Variants in OCA2 observed in about 807,000 individuals in gnomAD.
OCA2 encodes the protein OCA2 melanosomal transmembrane protein.
OCA2 carries 77 observed loss-of-function variants against 100.2 expected under a neutral mutation model. The ratio of observed to expected loss-of-function variants is 0.77; its 90% CI spans 0.64 to 0.93. The LOEUF is 0.93. Among genes scored for constraint, OCA2 ranks in the 40% least tolerant of loss-of-function variants. OCA2 has a pLI of 0.00. For synonymous variants in OCA2, 432 were observed against 439.2 expected (o/e 0.98, Z 0.21); for missense variants, 1,062 against 1,089.1 (o/e 0.98, Z 0.35).
intron 23 of OCA2, among the ~76,000 whole-genome samples, chr15:27,771,014 TTTC>T (rs1315289418): frequency 2.2e-5 from 3 of 135,428 alleles, no homozygotes; most frequent in Admixed American, 7.3e-5. Context: ...CTTCCCTTCT[TTTC>T]TTCTTTCCTT....
the OCA2 span, among the ~76,000 whole-genome samples, chr15:27,749,620 CTAAT>C: frequency 6.6e-6 from 1 of 151,740 alleles, no homozygotes; most frequent in Non-Finnish European, 1.5e-5. Flanking sequence ...AATTCTGTAA[CTAAT>C]AAGTGAACTC....
At chr15:27,865,259 C>T (rs941079365) in intron 21 of OCA2, among the ~76,000 whole-genome samples, 22 of 152,168 alleles carry the variant, frequency 1.4e-4, no homozygotes, top group African/African-American at 5.3e-4. Flanking sequence ...CAGCTCTCCC[C>T]ACCTACACAG....
chr15:28,005,585 C>A (rs1273492418), intron 9 of OCA2, among the ~76,000 whole-genome samples: 1 of 152,136 alleles, frequency 6.6e-6, no homozygotes. Flanking sequence ...AAGCCATCAA[C>A]GGTGAATCAA....
chr15:28,026,951 G>A (rs986779840), intron 4 of OCA2, among the ~76,000 whole-genome samples: 1 of 152,214 alleles, frequency 6.6e-6, no homozygotes, highest in Non-Finnish European at 1.5e-5. Context: ...AGGGCATCGC[G>A]TGACAGGGTA....
At chr15:27,824,889 G>T (rs962226268) in intron 23 of OCA2, among the ~76,000 whole-genome samples, 1 of 151,778 alleles carries the variant, frequency 6.6e-6, no homozygotes, top group Admixed American at 6.6e-5. Context: ...GGGGTTGCTT[G>T]GTCAGTTCAC....
intron 17 of OCA2, among the ~76,000 whole-genome samples, chr15:27,952,452 C>A (rs966815646): frequency 6.6e-6 from 1 of 152,190 alleles, no homozygotes; most frequent in Non-Finnish European, 1.5e-5. Flanking sequence ...ACCTAGGAGA[C>A]GGCACGAGAC....
At chr15:27,986,477 G>A in intron 12 of OCA2, 110 bp downstream of exon 12, 3 of 814,206 alleles carry the variant, frequency 3.7e-6, no homozygotes, top group Non-Finnish European at 6.2e-6. Context: ...AAAGAAGGAT[G>A]GAATTTTTCA....
At chr15:27,929,767 T>C (rs2039176012) in intron 18 of OCA2, among the ~76,000 whole-genome samples, 1 of 116,314 alleles carries the variant, frequency 8.6e-6, no homozygotes, top group Non-Finnish European at 2.0e-5. Flanking sequence ...CTAGAATATA[T>C]ATATATAAAT....
chr15:27,945,057 A>G (rs1313790232), intron 18 of OCA2, among the ~76,000 whole-genome samples: 1 of 152,220 alleles, frequency 6.6e-6, no homozygotes, highest in African/African-American at 2.4e-5. Context: ...CACTGCCTGC[A>G]TGTGTTGTAC....
intron 18 of OCA2, among the ~76,000 whole-genome samples, chr15:27,926,863 C>T (rs1364061207): frequency 6.6e-6 from 1 of 152,200 alleles, no homozygotes; most frequent in Non-Finnish European, 1.5e-5. Flanking sequence ...ATCCGCCCAC[C>T]TCAGACTCCC....
Position 28,032,156 on chromosome 15 carries a change from A to G in OCA2, c.235T>C (p.Ser79Pro). ...ASFLTKGRSH[S>P]SLPQMSSSRS... ...GAGCTGGACATCTGGGGCAAAGAAG[A>G]GTGAGACCTGAAAGAGACAGGGTAG... The change falls in exon 3 of 24, where the codon TCT becomes CCT. Residue 79 changes from serine to proline, a missense_variant. Physicochemically the swap from Ser to Pro is moderately conservative, Grantham distance 74 (BLOSUM62 -1). Coordinates refer to ENST00000354638, the MANE Select transcript of OCA2 (RefSeq NM_000275.3). 1 of 1,612,206 alleles carries G rather than the reference A, an allele frequency of 6.2e-7. No individual in the cohort carries two copies. Among genetic ancestry groups the G allele is most frequent in the Non-Finnish European group, 8.5e-7 (1 of 1,178,230 alleles).
At chr15:27,733,841 A>G in the OCA2 span, among the ~76,000 whole-genome samples, 3 of 152,000 alleles carry the variant, frequency 2.0e-5, no homozygotes, top group Non-Finnish European at 4.4e-5. Context: ...ATCATTTAAA[A>G]TATTACATAT....
chr15:27,799,763 T>A (rs2033515235), intron 23 of OCA2, among the ~76,000 whole-genome samples: 1 of 151,042 alleles, frequency 6.6e-6, no homozygotes, highest in African/African-American at 2.4e-5. Context: ...AAAAAAAACT[T>A]TAGCAAAAAT....
intron 23 of OCA2, among the ~76,000 whole-genome samples, chr15:27,834,966 G>T (rs8031191): frequency 0.15 from 22,349 of 152,194 alleles, 2,452 homozygotes; most frequent in East Asian, 0.54. Flanking sequence ...GCAGCAAGGA[G>T]GCCTGGCTCT....
intron 19 of OCA2, among the ~76,000 whole-genome samples, chr15:27,879,721 G>C (rs2036936950): frequency 6.6e-6 from 1 of 152,014 alleles, no homozygotes; most frequent in South Asian, 2.1e-4. Context: ...TTGTAAATTT[G>C]TTTAAGTTCC....
chr15:27,999,256 A>C (rs2041852144), intron 9 of OCA2, among the ~76,000 whole-genome samples: 1 of 152,206 alleles, frequency 6.6e-6, no homozygotes, highest in African/African-American at 2.4e-5. Context: ...CATCACAAGG[A>C]TCATATACCA....
the OCA2 span, among the ~76,000 whole-genome samples, chr15:27,746,455 T>C: frequency 8.3e-6 from 1 of 119,982 alleles, no homozygotes; most frequent in Non-Finnish European, 1.7e-5. Context: ...AGCAAGACTC[T>C]GTATTAAAAA....
intron 23 of OCA2, among the ~76,000 whole-genome samples, chr15:27,828,189 C>A (rs1377438322): frequency 6.6e-6 from 1 of 152,212 alleles, no homozygotes; most frequent in Non-Finnish European, 1.5e-5. Flanking sequence ...AGCTCCCACT[C>A]CATTCCCGGC....
At chr15:27,822,570 T>C (rs879564755) in intron 23 of OCA2, among the ~76,000 whole-genome samples, 4 of 152,240 alleles carry the variant, frequency 2.6e-5, no homozygotes, top group Non-Finnish European at 5.9e-5. Flanking sequence ...TTTTCATCTT[T>C]TTCAATTTCA....
Sources: gnomAD v4.1 joint callset for allele counts (sites outside exome capture counted in the v4.1 genomes callset) on GRCh38, gnomAD v4.1.1 for gene constraint, MANE v1.5 for transcripts, NCBI Gene and HGNC (gene_info 2026-07-23, HGNC 2026-07-21) for gene names.